Variants in IQCJ observed in about 807,000 individuals in gnomAD.
IQCJ encodes IQ domain-containing protein J.
IQCJ carries 9 observed loss-of-function variants against 11.0 expected under a neutral mutation model. The ratio of observed to expected loss-of-function variants is 0.82; its 90% CI spans 0.49 to 1.43. The LOEUF (loss-of-function observed/expected upper bound fraction) is 1.43. IQCJ is among the 40% of genes most tolerant of loss of function. The pLI is 0.00. For synonymous variants in IQCJ, 55 were observed against 51.3 expected (o/e 1.07, Z -0.31); for missense variants, 146 against 133.2 (o/e 1.10, Z -0.47).
intron 1 of IQCJ, among the ~76,000 whole-genome samples, chr3:159,212,194 T>A (rs1724994997): frequency 6.6e-6 from 1 of 152,084 alleles, no homozygotes; most frequent in Non-Finnish European, 1.5e-5. Context: ...CCCCCTGCAT[T>A]AGCTGAATAA....
At chr3:159,143,935 G>A (rs1720769786) in intron 1 of IQCJ, among the ~76,000 whole-genome samples, 1 of 152,176 alleles carries the variant, frequency 6.6e-6, no homozygotes, top group Admixed American at 6.5e-5. Context: ...TGGCATTTGG[G>A]ATGCTGTATC....
In IQCJ at chr3:159,069,737, A is replaced by G. The variant is rs754499662; in HGVS notation, c.9+296A>G. 2.6e-4 allele frequency: 144 copies of G among 555,340 alleles called. 2 individuals carry two copies. Among genetic ancestry groups the G allele is most frequent in the Middle Eastern group, 1.7e-3 (6 of 3,592 alleles). 34.4% of individuals were successfully genotyped at this position (555,340 alleles called of 1,614,324 possible). The stretch of plus-strand genomic sequence containing the variant: ...CTATGAACATCCAGATTTTCTAGTC[A>G]GATCTGTAAATATCTTACACAACAA... On this transcript the variant is annotated intron_variant, in intron 1 of 3. Coordinates refer to ENST00000397832, the MANE Select transcript of IQCJ (RefSeq NM_001042706.3).
chr3:159,131,678 C>T (rs1402839568), intron 1 of IQCJ, among the ~76,000 whole-genome samples: 1 of 152,130 alleles, frequency 6.6e-6, no homozygotes, highest in East Asian at 1.9e-4. Context: ...ACTTTTTCCT[C>T]TCTGCACCTC....
At chr3:159,188,433 C>T (rs556586485) in intron 1 of IQCJ, among the ~76,000 whole-genome samples, 35 of 151,856 alleles carry the variant, frequency 2.3e-4, no homozygotes, top group Non-Finnish European at 5.0e-4. Flanking sequence ...AAAACAACAA[C>T]AAAAAACAAA....
chr3:159,238,470 C>A (rs1003835492), intron 1 of IQCJ, among the ~76,000 whole-genome samples: 1 of 152,172 alleles, frequency 6.6e-6, no homozygotes, highest in Non-Finnish European at 1.5e-5. Flanking sequence ...TTCTTTTCCT[C>A]TTAGAATAAC....
chr3:159,145,297 G>A (rs1167046767), intron 1 of IQCJ, among the ~76,000 whole-genome samples: 1 of 152,176 alleles, frequency 6.6e-6, no homozygotes, highest in Non-Finnish European at 1.5e-5. Context: ...CCAGGAAAAA[G>A]ACATGAACTG....
At chr3:159,214,848 G>A (rs1390308574) in intron 1 of IQCJ, among the ~76,000 whole-genome samples, 1 of 152,154 alleles carries the variant, frequency 6.6e-6, no homozygotes, top group African/African-American at 2.4e-5. Context: ...GTTTGGCTAT[G>A]TATCTATTAT....
chr3:159,158,939 C>A (rs1451783204), intron 1 of IQCJ, among the ~76,000 whole-genome samples: 3 of 152,050 alleles, frequency 2.0e-5, no homozygotes, highest in African/African-American at 7.2e-5. Context: ...AGGTTCATAC[C>A]CACAGGTCTC....
At position 159,140,507 on chromosome 3, in the gene IQCJ, C is replaced by T. The variant is rs1051215296; in HGVS notation, c.9+71066C>T. ...GAATAGTACTATATGTAAAATATCA[C>T]GTTATAAATTTTGTGCTAGTCCACA... is the stretch of plus-strand genomic sequence containing the variant. On this transcript the variant is annotated intron_variant, in intron 1 of 3. Coordinates refer to ENST00000397832, the MANE Select transcript of IQCJ (RefSeq NM_001042706.3). Among the ~76,000 whole-genome samples the T allele has an allele frequency of 2.6e-5, 4 of 152,090 alleles. No individual in the cohort carries two copies. The South Asian group carries it at 6.2e-4, about 24-fold the overall frequency.
intron 1 of IQCJ, among the ~76,000 whole-genome samples, chr3:159,150,022 C>T (rs1465448910): frequency 6.6e-6 from 1 of 152,166 alleles, no homozygotes; most frequent in African/African-American, 2.4e-5. Flanking sequence ...GCACTTCCCA[C>T]CCACCAACAC....
In IQCJ at chr3:159,069,430, A is replaced by G. The variant is rs199806434; in HGVS notation, c.-3A>G. On this transcript the variant is annotated 5_prime_UTR_variant, in exon 1 of 4. Transcript: ENST00000397832. ...CACCTGCAGGTGTTCCAGAAACTTC[A>G]AAATGCGTCTGGTAATGTATTTGCT... is the stretch of plus-strand genomic sequence containing the variant. The G allele has an allele frequency of 8.9e-4, 1,436 of 1,610,208 alleles. 6 individuals carry two copies. Among genetic ancestry groups the G allele is most frequent in the Admixed American group, 1.9e-3 (110 of 59,376 alleles).
intron 1 of IQCJ, among the ~76,000 whole-genome samples, chr3:159,142,638 G>A (rs896359857): frequency 1.2e-4 from 18 of 152,012 alleles, no homozygotes; most frequent in South Asian, 4.2e-4. Flanking sequence ...GGCTGGTCTC[G>A]AACTCCTGAC....
chr3:159,249,172 G>A (rs891899738), intron 2 of IQCJ, among the ~76,000 whole-genome samples: 17 of 152,026 alleles, frequency 1.1e-4, no homozygotes, highest in Admixed American at 4.6e-4. Flanking sequence ...TGATCTTAAC[G>A]TAGGAAATGA....
At chr3:159,249,925 ACG>A (rs1491207964) in intron 2 of IQCJ, among the ~76,000 whole-genome samples, 1 of 151,418 alleles carries the variant, frequency 6.6e-6, no homozygotes, top group African/African-American at 2.5e-5. Context: ...ACACACACAC[ACG>A]AGCTTAGCGA....
At chr3:159,094,907 G>A (rs180721422) in intron 1 of IQCJ, among the ~76,000 whole-genome samples, 1 of 151,830 alleles carries the variant, frequency 6.6e-6, no homozygotes, top group African/African-American at 2.4e-5. Flanking sequence ...AGTAGTTACA[G>A]TATTGAAGTT....
intron 1 of IQCJ, among the ~76,000 whole-genome samples, chr3:159,086,134 T>C (rs1358496276): frequency 6.6e-6 from 1 of 152,196 alleles, no homozygotes; most frequent in Non-Finnish European, 1.5e-5. Flanking sequence ...TTTCTACATA[T>C]GGCTAGCCAG....
intron 1 of IQCJ, among the ~76,000 whole-genome samples, chr3:159,075,560 T>C (rs1285264520): frequency 1.3e-5 from 2 of 152,064 alleles, no homozygotes; most frequent in Non-Finnish European, 2.9e-5. Context: ...AGCATAGAGC[T>C]ATCGTAAGCC....
intron 1 of IQCJ, among the ~76,000 whole-genome samples, chr3:159,084,110 C>T (rs993905616): frequency 4.6e-5 from 7 of 151,918 alleles, no homozygotes; most frequent in African/African-American, 1.7e-4. Flanking sequence ...GTATCAATAT[C>T]AATTTTCTGG....
At chr3:159,157,910 C>A (rs943373160) in intron 1 of IQCJ, among the ~76,000 whole-genome samples, 1 of 150,378 alleles carries the variant, frequency 6.6e-6, no homozygotes, top group African/African-American at 2.5e-5. Context: ...AAATAATATT[C>A]CCATATGGTT....
Sources: allele counts gnomAD v4.1 joint callset (sites outside exome capture counted in the v4.1 genomes callset), GRCh38; gene constraint gnomAD v4.1.1; transcripts MANE v1.5; gene names NCBI Gene and HGNC (gene_info 2026-07-23, HGNC 2026-07-21).